ZNF574: variants seen among roughly 807,000 people sequenced by gnomAD.
ZNF574 encodes the protein zinc finger protein 574.
A neutral mutation model predicts 56.6 loss-of-function variants in ZNF574; 25 were observed. The ratio of observed to expected loss-of-function variants is 0.44; its 90% CI spans 0.32 to 0.62. The LOEUF (loss-of-function observed/expected upper bound fraction) is 0.62. Ranked by LOEUF, ZNF574 falls within the 20% of genes least tolerant of loss-of-function variation. ZNF574 has a pLI of 0.04. For missense variants in ZNF574, 1,065 were observed against 1,218.9 expected, an observed-to-expected ratio of 0.87 and a Z score of 1.88; for synonymous variants, 543 against 492.1, an observed-to-expected ratio of 1.10 and a Z score of -1.37.
rs1435364106 is a variant in ZNF574 at position 42,080,251 on chromosome 19, C to T, written c.1645C>T (p.Arg549Trp). 1 of 1,614,018 alleles carries T rather than the reference C, an allele frequency of 6.2e-7. No individual in the cohort carries two copies. The highest frequency in any genetic ancestry group is 8.5e-7 in the Non-Finnish European group (1 of 1,180,042). Residue 549 changes from arginine to tryptophan, a missense_variant, in exon 2 of 2, where the codon CGG becomes TGG. By Grantham distance (101) the Arg-to-Trp change is moderately radical. Transcript: ENST00000359044. This position sits in a 1 kb window ranked among gnomAD's most constrained non-coding sequence, Gnocchi z 8.5. ...ARHRLTHTGERPYRCGDCGKA... is the reference protein window; with the variant it reads ...ARHRLTHTGEWPYRCGDCGKA... ...CCACCGGCTCACACACACAGGAGAG[C>T]GGCCCTACCGGTGTGGGGACTGTGG... is the stretch of plus-strand genomic sequence containing the variant.
upstream of ZNF574, among the ~76,000 whole-genome samples, chr19:42,073,684 C>A (rs775068231): frequency 3.3e-5 from 5 of 151,582 alleles, no homozygotes; most frequent in African/African-American, 4.9e-5. Context: ...ATTAGCAGGG[C>A]ATGGCGGTGT....
chr19:42,078,596 TTGC>T lies in ZNF574; in HGVS notation c.-7_-5del, dbSNP rs2076471603. 1 of 1,604,270 alleles carries T rather than the reference TTGC, an allele frequency of 6.2e-7. No individual in the cohort carries two copies. Among genetic ancestry groups the T allele is most frequent in the Non-Finnish European group, 8.5e-7 (1 of 1,172,836 alleles). ...CTGTCTCCTCTTCCAGCCCAGGGCC[TTGC>T]TGCCGCCATGACTGAGGAATCAGAG... On this transcript the variant is annotated 5_prime_UTR_variant, in exon 2 of 2. Transcript: ENST00000359044.
chr19:42,071,417 C>A (rs2076420550), upstream of ZNF574, among the ~76,000 whole-genome samples: 1 of 152,162 alleles, frequency 6.6e-6, no homozygotes, highest in African/African-American at 2.4e-5. Flanking sequence ...GTGCGGCCCA[C>A]AGCATATGTG....
At chr19:42,078,173 T>C (rs563876775) in intron 1 of ZNF574, among the ~76,000 whole-genome samples, 2 of 151,674 alleles carry the variant, frequency 1.3e-5, no homozygotes, top group Admixed American at 6.6e-5. Context: ...GGGGTTTCAG[T>C]TGGGTACCTT....
At position 42,081,071 on chromosome 19, in the gene ZNF574, A is replaced by C; in HGVS notation, c.2465A>C (p.Tyr822Ser). 1 of 1,613,886 alleles carries C rather than the reference A, an allele frequency of 6.2e-7. No homozygotes were observed. Among genetic ancestry groups the C allele is most frequent in the Non-Finnish European group, 8.5e-7 (1 of 1,179,984 alleles). ...HRRIHTGERP[Y>S]SCPDCGKSYR... ...CGCATCCACACAGGCGAACGACCCT[A>C]CTCCTGCCCTGACTGTGGCAAGAGC... The change falls in exon 2 of 2, where the codon TAC becomes TCC. Residue 822 changes from tyrosine to serine, a missense_variant. By Grantham distance (144) the Tyr-to-Ser change is moderately radical. Transcript: ENST00000359044.
At chr19:42,069,212 A>G in intron 1 of ZNF574, 1 of 329,640 alleles carries the variant, frequency 3.0e-6, no homozygotes, top group African/African-American at 2.1e-5. Context: ...CCCAGAACCC[A>G]GCCCAATCCC....
Position 42,079,098 on chromosome 19 carries a change from C to T in ZNF574, c.492C>T (p.Ser164=). The stretch of plus-strand genomic sequence containing the variant: ...CTCCTGCCCCTGTTGTCCTGGGGTC[C>T]CCAGTTGTTCTAGGGCCTCCTGTGG... ...TKAPAPVVLG[S]PVVLGPPVGQ... is the part of the protein sequence containing the mutation. Residue 164 remains serine (S), a synonymous_variant, in exon 2 of 2, where the codon TCC becomes TCT. Coordinates refer to ENST00000359044, the MANE Select transcript of ZNF574 (RefSeq NM_022752.6). This position sits in a 1 kb window ranked among gnomAD's most constrained non-coding sequence, Gnocchi z 4.3. 1.2e-6 allele frequency: 2 copies of T among 1,614,142 alleles called. No homozygotes were observed. The highest frequency in any genetic ancestry group is 1.7e-6 in the Non-Finnish European group (2 of 1,180,010).
Position 42,079,200 on chromosome 19 carries a change from C to G in ZNF574, c.594C>G (p.Ala198=). 1.9e-6 allele frequency: 3 copies of G among 1,613,962 alleles called. No individual in the cohort carries two copies. The highest frequency in any genetic ancestry group is 2.5e-6 in the Non-Finnish European group (3 of 1,180,012). Residue 198 remains alanine (A), a synonymous_variant, in exon 2 of 2, where the codon GCC becomes GCG. Transcript: ENST00000359044. This position sits in a 1 kb window ranked among gnomAD's most constrained non-coding sequence, Gnocchi z 4.3. ...GGGAAGGGGCGACTGTCCCATCTGC[C>G]GCTGCCACCACCACTGAGGTAGTGA... is the stretch of plus-strand genomic sequence containing the variant. The part of the protein sequence containing the change: ...EGGEGATVPS[A]AATTTEVVTE...
In ZNF574 at chr19:42,079,913, A is replaced by T. The variant is rs1399009577; in HGVS notation, c.1307A>T (p.Glu436Val). ...GAGGAACCTGTCATTGGTTTCCCTG[A>T]GCCAGCCCCAGCAGAGACTGGAGAG... ...PPEEPVIGFP[E>V]PAPAETGEPE... The change falls in exon 2 of 2, where the codon GAG (glutamate) becomes GTG (valine). Residue 436 changes from glutamate (E) to valine (V), a missense_variant. Coordinates refer to ENST00000359044, the MANE Select transcript of ZNF574 (RefSeq NM_022752.6). The surrounding 1 kb of genome is among the most constrained non-coding windows in gnomAD (Gnocchi z 4.3). The T allele has an allele frequency of 2.5e-6, 4 of 1,613,916 alleles. No individual in the cohort carries two copies. In the South Asian group the frequency reaches 4.4e-5, roughly 18 times the overall value.
At chr19:42,077,846 G>A (rs2076466449) in intron 1 of ZNF574, among the ~76,000 whole-genome samples, 1 of 152,122 alleles carries the variant, frequency 6.6e-6, no homozygotes, top group Non-Finnish European at 1.5e-5. Context: ...TAATTAAACA[G>A]GGCTGCGTAT....
At position 42,068,784 on chromosome 19, in the gene ZNF574, G is replaced by T. The variant is rs1334046873; in HGVS notation, c.73G>T (p.Gly25Ter). 1.7e-6 allele frequency: 1 copy of T among 575,132 alleles called. No individual in the cohort carries two copies. The highest frequency in any genetic ancestry group is 3.1e-6 in the Non-Finnish European group (1 of 317,474). The allele number at this position is 575,132 out of a possible 1,614,324, so 35.6% of individuals were successfully genotyped here. Residue 25 changes from glycine (G) to a stop codon, truncating the protein, a stop_gained, in exon 1 of 2, where the codon GGA becomes TGA. Coordinates refer to the ZNF574 transcript ENST00000222339. LOFTEE classifies it high-confidence loss of function. ...GTCAGAGAGGGGCCCAAGAGACACA[G>T]GAAATGGGGGCTCAAAAGCGGAAAG...
rs1360896515 is a variant in ZNF574, at chr19:42,081,481, C to G, written c.*184C>G. ...GGGTCCTTGACACACATAAAGGTGC[C>G]CCCCCACCTTCCACCTCTTAGCACT... On this transcript the variant is annotated 3_prime_UTR_variant, in exon 2 of 2. Coordinates refer to ENST00000359044, the MANE Select transcript of ZNF574 (RefSeq NM_022752.6). 1.3e-6 allele frequency: 1 copy of G among 752,160 alleles called. No individual in the cohort carries two copies. Among genetic ancestry groups the G allele is most frequent in the Non-Finnish European group, 2.2e-6 (1 of 447,224 alleles). 46.6% of individuals were successfully genotyped at this position (752,160 alleles called of 1,614,324 possible).
In ZNF574 at chr19:42,079,856, G is replaced by A. The variant is rs1231037654; in HGVS notation, c.1250G>A (p.Gly417Asp). Residue 417 changes from glycine (G) to aspartate (D), a missense_variant, in exon 2 of 2, where the codon GGT becomes GAT. By Grantham distance (94) the Gly-to-Asp change is moderately conservative. Transcript: ENST00000359044. This position sits in a 1 kb window ranked among gnomAD's most constrained non-coding sequence, Gnocchi z 4.3. Reference protein sequence around the residue: ...LYHRRTHGVGGVPLPTTPVPP... With the variant: ...LYHRRTHGVGDVPLPTTPVPP... The stretch of plus-strand genomic sequence containing the variant: ...CACCGGCGTACTCATGGGGTAGGGG[G>A]TGTCCCTCTGCCCACAACACCAGTC... 1.9e-6 allele frequency: 3 copies of A among 1,613,984 alleles called. No homozygotes were observed. Among genetic ancestry groups the A allele is most frequent in the Non-Finnish European group, 2.5e-6 (3 of 1,180,028 alleles).
At chr19:42,072,229 T>TC (rs2076429449), upstream of ZNF574, among the ~76,000 whole-genome samples, 1 of 150,206 alleles carries the variant, frequency 6.7e-6, no homozygotes, top group African/African-American at 2.5e-5. Flanking sequence ...TCTTTTTTTT[T>TC]CCTTTTCTTT....
intron 1 of ZNF574, 26 bp downstream of exon 1, chr19:42,076,312 C>G (rs2076454823): frequency 6.6e-6 from 1 of 152,048 alleles, no homozygotes; most frequent in South Asian, 2.1e-4. Context: ...CGCGCAGAGG[C>G]CGGCCGGGCT....
chr19:42,069,474 A>C, intron 1 of ZNF574: 1 of 148,070 alleles, frequency 6.8e-6, no homozygotes, highest in African/African-American at 2.5e-5. Flanking sequence ...GGAAGGGGAA[A>C]GGAGAAAATG....
In ZNF574 at chr19:42,079,117, C is replaced by G. The variant is rs146519744; in HGVS notation, c.511C>G (p.Pro171Ala). 3.1e-6 allele frequency: 5 copies of G among 1,613,968 alleles called. No homozygotes were observed. Among genetic ancestry groups the G allele is most frequent in the Non-Finnish European group, 3.4e-6 (4 of 1,179,992 alleles). ...VLGSPVVLGPPVGQARVAVEH... is the reference protein window; with the variant it reads ...VLGSPVVLGPAVGQARVAVEH... ...GGGGTCCCCAGTTGTTCTAGGGCCT[C>G]CTGTGGGCCAGGCCCGAGTGGCTGT... is the stretch of plus-strand genomic sequence containing the variant. Residue 171 changes from proline to alanine, a missense_variant, in exon 2 of 2, where the codon CCT becomes GCT. By Grantham distance (27) the Pro-to-Ala change is conservative. Coordinates refer to ENST00000359044, the MANE Select transcript of ZNF574 (RefSeq NM_022752.6). This position sits in a 1 kb window ranked among gnomAD's most constrained non-coding sequence, Gnocchi z 4.3.
At chr19:42,068,673 T>G in exon 1 of ZNF574, 1 of 431,592 alleles carries the variant, frequency 2.3e-6, no homozygotes, top group Non-Finnish European at 4.1e-6. Context: ...GAAGCCAGGG[T>G]GGAGGAGTTC....
In ZNF574 at chr19:42,081,508, G is replaced by A. The variant is rs562682745; in HGVS notation, c.*211G>A. On this transcript the variant is annotated 3_prime_UTR_variant, in exon 2 of 2. Transcript: ENST00000359044. ...CCCCACCTTCCACCTCTTAGCACTGGTGACCCCAAAAATGAAACCATCAAT... is the reference window on the plus strand; with the variant it reads ...CCCCACCTTCCACCTCTTAGCACTGATGACCCCAAAAATGAAACCATCAAT... The A allele has an allele frequency of 1.6e-6, 1 of 644,922 alleles. No homozygotes were observed. Among genetic ancestry groups the A allele is most frequent in the Non-Finnish European group, 2.8e-6 (1 of 361,482 alleles). 39.9% of individuals were successfully genotyped at this position (644,922 alleles called of 1,614,324 possible). A position where few individuals can be genotyped will look rare whatever the true frequency, so the allele number is the denominator to read the frequency against.
Sources: allele counts gnomAD v4.1 joint callset (sites outside exome capture counted in the v4.1 genomes callset), GRCh38; gene constraint gnomAD v4.1.1; non-coding constraint Gnocchi (gnomAD v3.1); transcripts MANE v1.5; gene names NCBI Gene and HGNC (gene_info 2026-07-23, HGNC 2026-07-21).